ZNF804B: variants seen among roughly 807,000 people sequenced by gnomAD.
The protein encoded by ZNF804B is zinc finger 804B.
ZNF804B carries 80 observed loss-of-function variants against 101.4 expected under a neutral mutation model. That is an observed-to-expected ratio of 0.79 (90% CI 0.66 to 0.95). The LOEUF (loss-of-function observed/expected upper bound fraction) is 0.95, where lower values mean the gene tolerates loss of function less well. Among genes scored for constraint, ZNF804B ranks in the 40% least tolerant of loss-of-function variants. The pLI is 0.00. For synonymous variants in ZNF804B, 622 were observed against 558.8 expected, an observed-to-expected ratio of 1.11 and a Z score of -1.59; for missense variants, 1,673 against 1,561.9, an observed-to-expected ratio of 1.07 and a Z score of -1.20.
chr7:88,945,892 T>C (rs531685053), intron 1 of ZNF804B, among the ~76,000 whole-genome samples: 1 of 152,250 alleles, frequency 6.6e-6, no homozygotes, highest in African/African-American at 2.4e-5. Context: ...TCTCCGTTTG[T>C]CTATTATTGG....
intron 2 of ZNF804B, among the ~76,000 whole-genome samples, chr7:89,219,175 CA>C (rs2115700217): frequency 6.6e-6 from 1 of 152,004 alleles, no homozygotes; most frequent in African/African-American, 2.4e-5. Context: ...ATGTCTTATT[CA>C]AAGTTACTTA....
intron 1 of ZNF804B, among the ~76,000 whole-genome samples, chr7:88,816,466 T>C (rs1790880134): frequency 6.6e-6 from 1 of 152,142 alleles, no homozygotes; most frequent in African/African-American, 2.4e-5. Flanking sequence ...TGGGAGAACA[T>C]TTTTGCAATC....
At chr7:89,125,569 G>C (rs558992857) in intron 1 of ZNF804B, among the ~76,000 whole-genome samples, 30 of 151,858 alleles carry the variant, frequency 2.0e-4, no homozygotes, top group African/African-American at 6.8e-4. Flanking sequence ...CCAGGCTGTG[G>C]GTTTTAATTT....
intron 2 of ZNF804B, among the ~76,000 whole-genome samples, chr7:89,242,825 G>T (rs1405695245): frequency 6.6e-6 from 1 of 151,658 alleles, no homozygotes; most frequent in Admixed American, 6.6e-5. Context: ...CTAAATGTTG[G>T]AATACAAAGC....
intron 1 of ZNF804B, among the ~76,000 whole-genome samples, chr7:89,049,616 A>C (rs1367741208): frequency 1.3e-5 from 2 of 152,030 alleles, no homozygotes; most frequent in Non-Finnish European, 2.9e-5. Context: ...TGATGAATGT[A>C]TTTGTTCTTT....
At position 89,223,085 on chromosome 7, in the gene ZNF804B, C is replaced by T. The variant is rs576172338; in HGVS notation, c.249+4790C>T. On this transcript the variant is annotated intron_variant, in intron 2 of 3. Transcript: ENST00000333190. Reference sequence around the variant, plus strand: ...TTTGGTTCTTTCTTCTTTAAGAGCTCTTCTTGATTATGATAATGATTATAA... The same window carrying T: ...TTTGGTTCTTTCTTCTTTAAGAGCTTTTCTTGATTATGATAATGATTATAA... Among the ~76,000 whole-genome samples, 3 of 151,838 alleles carry T rather than the reference C, an allele frequency of 2.0e-5. No homozygotes were observed. In the South Asian group the frequency reaches 6.2e-4, roughly 32 times the overall value.
At chr7:88,867,775 T>C (rs1319581559) in intron 1 of ZNF804B, among the ~76,000 whole-genome samples, 2 of 152,186 alleles carry the variant, frequency 1.3e-5, no homozygotes, top group Admixed American at 1.3e-4. Context: ...TAGAAAATAG[T>C]ATCTCATTTA....
rs1790336012 is a variant in ZNF804B, at chr7:89,117,972, G to A, written c.109-100183G>A. Among the ~76,000 whole-genome samples, 3 of 152,150 alleles carry A rather than the reference G, an allele frequency of 2.0e-5. No homozygotes were observed. In the South Asian group the frequency reaches 6.2e-4, roughly 32 times the overall value. ...ATCATTTGTTAGCAGACTTTTGAAA[G>A]TCCTGTAGGCTTGACATACAAAAGC... On this transcript the variant is annotated intron_variant, in intron 1 of 3. Transcript: ENST00000333190.
At chr7:88,857,822 CTTT>C (rs55841922) in intron 1 of ZNF804B, among the ~76,000 whole-genome samples, 239 of 81,422 alleles carry the variant, frequency 2.9e-3, no homozygotes, top group African/African-American at 0.011. Flanking sequence ...CCTTTCTTTT[CTTT>C]TTTTTTTTTT....
At chr7:89,164,398 G>T (rs1445517920) in intron 1 of ZNF804B, among the ~76,000 whole-genome samples, 6 of 152,020 alleles carry the variant, frequency 3.9e-5, no homozygotes. Context: ...TGGGGGGAAA[G>T]TCAGTAAATA....
intron 1 of ZNF804B, among the ~76,000 whole-genome samples, chr7:88,977,977 C>A (rs1284914065): frequency 1.3e-5 from 2 of 151,422 alleles, no homozygotes; most frequent in East Asian, 3.9e-4. Context: ...TTTTTAATTT[C>A]TTCGTTGACT....
intron 1 of ZNF804B, among the ~76,000 whole-genome samples, chr7:89,002,242 T>A (rs1788301382): frequency 6.6e-6 from 1 of 151,830 alleles, no homozygotes; most frequent in South Asian, 2.1e-4. Flanking sequence ...AATTTATAGA[T>A]GGGCACTAAT....
intron 2 of ZNF804B, among the ~76,000 whole-genome samples, chr7:89,230,447 A>G (rs1017786626): frequency 1.3e-5 from 2 of 152,062 alleles, no homozygotes; most frequent in African/African-American, 4.8e-5. Context: ...ACAAGAAGAA[A>G]ACAGATTATC....
chr7:89,056,203 CA>C (rs1364451061), intron 1 of ZNF804B, among the ~76,000 whole-genome samples: 1 of 151,984 alleles, frequency 6.6e-6, no homozygotes, highest in Non-Finnish European at 1.5e-5. Context: ...TGTGAACTTT[CA>C]AGGATGTAAA....
chr7:88,984,080 G>A (rs1419751327), intron 1 of ZNF804B, among the ~76,000 whole-genome samples: 2 of 151,980 alleles, frequency 1.3e-5, no homozygotes, highest in Non-Finnish European at 2.9e-5. Context: ...TCTCTAACTA[G>A]CAAGTAAGAT....
At chr7:89,147,762 T>C (rs1790812690) in intron 1 of ZNF804B, among the ~76,000 whole-genome samples, 1 of 151,806 alleles carries the variant, frequency 6.6e-6, no homozygotes, top group Admixed American at 6.6e-5. Context: ...TATTGTGAAC[T>C]GTGCATGCGA....
chr7:89,265,297 C>CGA (rs1789774634), intron 2 of ZNF804B, among the ~76,000 whole-genome samples: 1 of 101,252 alleles, frequency 9.9e-6, no homozygotes, highest in Non-Finnish European at 2.1e-5. Flanking sequence ...TGTGTGTGCG[C>CGA]GTGCGCGCGC....
intron 1 of ZNF804B, among the ~76,000 whole-genome samples, chr7:88,762,325 G>A (rs1302568346): frequency 2.0e-5 from 3 of 152,132 alleles, no homozygotes. Flanking sequence ...GAAAATTTGT[G>A]TTTATTCATT....
At chr7:88,782,846 G>A (rs910896034) in intron 1 of ZNF804B, among the ~76,000 whole-genome samples, 8 of 152,084 alleles carry the variant, frequency 5.3e-5, no homozygotes, top group African/African-American at 1.9e-4. Flanking sequence ...TGGGTGAGTG[G>A]TCTTCCTAAG....
Sources: gnomAD v4.1 joint callset for allele counts (sites outside exome capture counted in the v4.1 genomes callset) on GRCh38, gnomAD v4.1.1 for gene constraint, MANE v1.5 for transcripts, NCBI Gene and HGNC (gene_info 2026-07-23, HGNC 2026-07-21) for gene names.